UGT2B28: variants seen among roughly 807,000 people sequenced by gnomAD.
UGT2B28 encodes UDP glucuronosyltransferase family 2 member B28.
A neutral mutation model predicts 43.6 loss-of-function variants in UGT2B28; 45 were observed. That is an observed-to-expected ratio of 1.03 (90% CI 0.81 to 1.32). UGT2B28 has a LOEUF of 1.32. UGT2B28 is among the 40% of genes most tolerant of loss of function. The probability of loss-of-function intolerance (pLI) is 0.00; values close to 1 mark genes in which losing one functional copy is unlikely to be tolerated. For missense variants in UGT2B28, 649 were observed against 625.5 expected, an observed-to-expected ratio of 1.04 and a Z score of -0.40; for synonymous variants, 204 against 208.1, an observed-to-expected ratio of 0.98 and a Z score of 0.17.
chr4:69,282,473 A>G lies in UGT2B28; in HGVS notation c.722-41A>G, dbSNP rs377015052. On this transcript the variant is annotated intron_variant, in intron 1 of 5. Coordinates refer to ENST00000335568, the MANE Select transcript of UGT2B28 (RefSeq NM_053039.2). ...TTTCAGAAAGTTATGTAAAGTAATTATCTTACATCATCCACTTTTTCTTTT... is the reference window on the plus strand; with the variant it reads ...TTTCAGAAAGTTATGTAAAGTAATTGTCTTACATCATCCACTTTTTCTTTT... 2.1e-5 allele frequency: 32 copies of G among 1,524,708 alleles called. 3 individuals are homozygous for G. The highest frequency in any genetic ancestry group is 2.7e-5 in the Non-Finnish European group (31 of 1,143,812). The allele number at this position is 1,524,708 out of a possible 1,614,324, so 94.4% of individuals were successfully genotyped here.
At position 69,282,604 on chromosome 4, in the gene UGT2B28, T is replaced by C. The variant is rs757741674; in HGVS notation, c.812T>C (p.Leu271Ser). ...SWSFQFPHPF[L>S]PNIDFVGGLH... ...AGTTTTCAATTTCCTCATCCATTCT[T>C]ACCAAACATTGATTTTGTTGGAGGA... Residue 271 changes from leucine (L) to serine (S), a missense_variant, in exon 2 of 6, where the codon TTA becomes TCA. By Grantham distance (145) the Leu-to-Ser change is moderately radical. Transcript: ENST00000335568. 1.3e-6 allele frequency: 2 copies of C among 1,556,208 alleles called. No homozygotes were observed. Among genetic ancestry groups the C allele is most frequent in the South Asian group, 1.2e-5 (1 of 83,654 alleles).
At chr4:69,286,225 T>A (rs1723770041) in intron 2 of UGT2B28, among the ~76,000 whole-genome samples, 1 of 141,450 alleles carries the variant, frequency 7.1e-6, no homozygotes, top group South Asian at 2.3e-4. Context: ...TAGAGGAACA[T>A]AAATGTAGAT....
intron 4 of UGT2B28, among the ~76,000 whole-genome samples, chr4:69,290,258 C>T (rs1238250408): frequency 7.1e-6 from 1 of 140,040 alleles, no homozygotes; most frequent in African/African-American, 2.8e-5. Context: ...GCACACCCCA[C>T]ATATCACACT....
At position 69,280,940 on chromosome 4, in the gene UGT2B28, T is replaced by C. The variant is rs1723584023; in HGVS notation, c.440T>C (p.Ile147Thr). The C allele has an allele frequency of 3.8e-6, 6 of 1,560,518 alleles. 2 individuals carry two copies. The East Asian group carries it at 1.4e-4, about 36-fold the overall frequency. Residue 147 changes from isoleucine (I) to threonine (T), a missense_variant, in exon 1 of 6, where the codon ATC becomes ACC. By Grantham distance (89) the Ile-to-Thr change is moderately conservative (BLOSUM62 -1). Transcript: ENST00000335568. Reference protein sequence around the residue: ...MKKLQESRFDIIFADAFFPCG... With the variant: ...MKKLQESRFDTIFADAFFPCG... Reference sequence around the variant, plus strand: ...AAACTACAAGAGTCAAGATTTGACATCATTTTTGCAGATGCTTTTTTTCCT... The same window carrying C: ...AAACTACAAGAGTCAAGATTTGACACCATTTTTGCAGATGCTTTTTTTCCT...
intron 2 of UGT2B28, among the ~76,000 whole-genome samples, chr4:69,286,246 C>G (rs1201073263): frequency 7.1e-6 from 1 of 141,272 alleles, no homozygotes; most frequent in Non-Finnish European, 1.5e-5. Flanking sequence ...ATAAAATTAT[C>G]CCAACTGTGA....
At position 69,289,699 on chromosome 4, in the gene UGT2B28, C is replaced by G. The variant is rs770422617; in HGVS notation, c.1037C>G (p.Ala346Gly). 4.5e-6 allele frequency: 7 copies of G among 1,560,496 alleles called. 1 individual carries two copies. The highest frequency in any genetic ancestry group is 2.3e-5 in the East Asian group (1 of 43,448). The part of the protein sequence containing the change: ...LWRFDGNKPD[A>G]LGLNTRLYKW... ...AGATTTGATGGGAATAAACCAGATG[C>G]CTTAGGTCTCAATACTCGGCTGTAT... Residue 346 changes from alanine (A) to glycine (G), a missense_variant, in exon 4 of 6, where the codon GCC becomes GGC. Ala to Gly is a moderately conservative substitution (Grantham distance 60). Transcript: ENST00000335568.
rs762618654 is a variant in UGT2B28, at chr4:69,294,700, T to C, written c.1481T>C (p.Ile494Thr). The C allele has an allele frequency of 8.3e-6, 13 of 1,560,008 alleles. 4 individuals are homozygous for C. Among genetic ancestry groups the C allele is most frequent in the Admixed American group, 5.3e-5 (3 of 56,304 alleles). ...TTCCAGTACCACTCTTTGGATGTGA[T>C]TGGGTTTCTGCTGGCCTGTGTGGCA... The part of the protein sequence containing the change: ...TWFQYHSLDV[I>T]GFLLACVATV... The change falls in exon 6 of 6, where the codon ATT becomes ACT. Residue 494 changes from isoleucine to threonine, a missense_variant. Physicochemically the swap from Ile to Thr is moderately conservative, Grantham distance 89. Coordinates refer to ENST00000335568, the MANE Select transcript of UGT2B28 (RefSeq NM_053039.2).
chr4:69,285,468 T>C (rs562184610), intron 2 of UGT2B28, among the ~76,000 whole-genome samples: 2 of 139,238 alleles, frequency 1.4e-5, no homozygotes, highest in East Asian at 4.1e-4. Context: ...GCCAGTGAGA[T>C]GAAACACTGA....
At position 69,292,543 on chromosome 4, in the gene UGT2B28, T is replaced by C. The variant is rs1723984055; in HGVS notation, c.1310+1732T>C. Among the ~76,000 whole-genome samples, 2 of 140,826 alleles carry C rather than the reference T, an allele frequency of 1.4e-5. 1 individual carries two copies. Among genetic ancestry groups the C allele is most frequent in the East Asian group, 4.1e-4 (2 of 4,934 alleles). The allele number at this position is 140,826 out of a possible 152,430, so 92.4% of individuals were successfully genotyped here. On this transcript the variant is annotated intron_variant, in intron 5 of 5. Transcript: ENST00000335568. ...TCACTCAATCTAAACAGACTTTTAATAAAAGAGCAAATAATGAGTAAGGAC... is the reference window on the plus strand; with the variant it reads ...TCACTCAATCTAAACAGACTTTTAACAAAAGAGCAAATAATGAGTAAGGAC...
chr4:69,290,680 T>G lies in UGT2B28; in HGVS notation c.1179T>G (p.Ile393Met). ...AIYHGIPMVGIPLFWDQPDNI... is the reference protein window; with the variant it reads ...AIYHGIPMVGMPLFWDQPDNI... ...ACCATGGGATCCCTATGGTAGGCAT[T>G]CCATTGTTTTGGGATCAACCTGATA... Residue 393 changes from isoleucine (I) to methionine (M), a missense_variant, in exon 5 of 6, where the codon ATT becomes ATG. Coordinates refer to ENST00000335568, the MANE Select transcript of UGT2B28 (RefSeq NM_053039.2). 6.4e-7 allele frequency: 1 copy of G among 1,559,618 alleles called. No homozygotes were observed. The highest frequency in any genetic ancestry group is 8.7e-7 in the Non-Finnish European group (1 of 1,155,212).
rs1299489506 is a variant in UGT2B28 at position 69,281,769 on chromosome 4, T to C, written c.721+548T>C. On this transcript the variant is annotated intron_variant, in intron 1 of 5. Transcript: ENST00000335568. ...TAATTTGAAGTTTCTAATGTTTCTA[T>C]ACTCCTTCACTAAAGAATTGGAATT... Among the ~76,000 whole-genome samples the C allele has an allele frequency of 3.6e-5, 5 of 140,534 alleles. 1 individual carries two copies. The highest frequency in any genetic ancestry group is 8.3e-5 in the African/African-American group (3 of 36,142). The allele number at this position is 140,534 out of a possible 152,430, so 92.2% of individuals were successfully genotyped here.
rs182425639 is a variant in UGT2B28, at chr4:69,285,611, C to T, written c.871-1141C>T. 7.1e-5 allele frequency among the ~76,000 whole-genome samples: 10 copies of T among 141,442 alleles called. 2 individuals are homozygous for T. Among genetic ancestry groups the T allele is most frequent in the Admixed American group, 5.7e-4 (8 of 14,112 alleles). The allele number at this position is 141,442 out of a possible 152,430, so 92.8% of individuals were successfully genotyped here. A position where few individuals can be genotyped will look rare whatever the true frequency, so the allele number is the denominator to read the frequency against. On this transcript the variant is annotated intron_variant, in intron 2 of 5. Coordinates refer to ENST00000335568, the MANE Select transcript of UGT2B28 (RefSeq NM_053039.2). ...AGATTAAAAATCATATTTTAAAAAA[C>T]GCTCTGCCATACGTGGTGCACTGTT... is the stretch of plus-strand genomic sequence containing the variant.
chr4:69,287,533 A>T (rs1392935055), intron 3 of UGT2B28, among the ~76,000 whole-genome samples: 1 of 140,740 alleles, frequency 7.1e-6, no homozygotes, highest in Non-Finnish European at 1.5e-5. Context: ...GTGACAACAA[A>T]TAGAGAACAC....
chr4:69,285,906 C>G (rs1426665511), intron 2 of UGT2B28, among the ~76,000 whole-genome samples: 2 of 141,174 alleles, frequency 1.4e-5, no homozygotes, highest in Non-Finnish European at 3.0e-5. Context: ...TGAGACACAA[C>G]AAAGTGATGA....
Position 69,285,847 on chromosome 4 carries a change from C to T in UGT2B28, c.871-905C>T, listed in dbSNP as rs1267785915. ...TACTCAAAAGAGAGACAAGATCCCC[C>T]TGCAGAAAGGCCTGGTGGCCTCTTC... On this transcript the variant is annotated intron_variant, in intron 2 of 5. Transcript: ENST00000335568. Among the ~76,000 whole-genome samples, 4 of 141,140 alleles carry T rather than the reference C, an allele frequency of 2.8e-5. 1 individual carries two copies. The highest frequency in any genetic ancestry group is 3.0e-5 in the Non-Finnish European group (2 of 65,954). 92.6% of individuals were successfully genotyped at this position (141,140 alleles called of 152,430 possible).
intron 3 of UGT2B28, among the ~76,000 whole-genome samples, chr4:69,289,079 C>A (rs866052717): frequency 2.2e-5 from 3 of 138,844 alleles, no homozygotes; most frequent in Non-Finnish European, 3.1e-5. Context: ...ATAAAAGAAC[C>A]AGTTATAGTC....
chr4:69,281,903 G>T lies in UGT2B28; in HGVS notation c.722-611G>T, dbSNP rs184275626. ...TAAAAATATGAGACAGATTAAGGTT[G>T]AGTACAGATCTCTATTTCAATAATT... On this transcript the variant is annotated intron_variant, in intron 1 of 5. Transcript: ENST00000335568. 4.3e-4 allele frequency among the ~76,000 whole-genome samples: 61 copies of T among 140,438 alleles called. 7 individuals carry two copies. The highest frequency in any genetic ancestry group is 4.1e-3 in the Admixed American group (57 of 13,970). 92.1% of individuals were successfully genotyped at this position (140,438 alleles called of 152,430 possible).
chr4:69,284,903 T>C (rs1485567371), intron 2 of UGT2B28, among the ~76,000 whole-genome samples: 1 of 140,416 alleles, frequency 7.1e-6, no homozygotes, highest in Non-Finnish European at 1.5e-5. Flanking sequence ...ATTAATTTTA[T>C]AATATATTCA....
intron 2 of UGT2B28, among the ~76,000 whole-genome samples, chr4:69,285,838 A>G (rs1723758741): frequency 7.1e-6 from 1 of 141,144 alleles, no homozygotes; most frequent in South Asian, 2.4e-4. Flanking sequence ...AAAGAGAGAC[A>G]AGATCCCCCT....
Sources: gnomAD v4.1 joint callset for allele counts (sites outside exome capture counted in the v4.1 genomes callset) on GRCh38, gnomAD v4.1.1 for gene constraint, MANE v1.5 for transcripts, NCBI Gene and HGNC (gene_info 2026-07-23, HGNC 2026-07-21) for gene names.